Variants in KAZN observed in about 807,000 individuals in gnomAD.
KAZN encodes the protein kazrin.
In KAZN, 40 loss-of-function variants were observed where a neutral mutation model predicts 87.4. The observed-to-expected ratio is 0.46, with a 90% CI of 0.36 to 0.60. The LOEUF (loss-of-function observed/expected upper bound fraction) is 0.60, where lower values mean the gene tolerates loss of function less well. Ranked by LOEUF, KAZN falls within the 20% of genes least tolerant of loss-of-function variation. The pLI, the probability that KAZN is intolerant of heterozygous loss-of-function variation, is 0.00. For missense variants in KAZN, 898 were observed against 1,073.9 expected, an observed-to-expected ratio of 0.84 and a Z score of 2.29; for synonymous variants, 466 against 458.3, an observed-to-expected ratio of 1.02 and a Z score of -0.22.
chr1:14,776,545 C>T (rs1294789510), intron 1 of KAZN, among the ~76,000 whole-genome samples: 3 of 152,122 alleles, frequency 2.0e-5, no homozygotes, highest in African/African-American at 4.8e-5. Flanking sequence ...AGGTGCTGTC[C>T]GAGATGTCTA....
chr1:13,925,146 T>A (rs1203323214), intron 1 of KAZN, among the ~76,000 whole-genome samples: 1 of 152,220 alleles, frequency 6.6e-6, no homozygotes, highest in African/African-American at 2.4e-5. Flanking sequence ...TTATCTATTC[T>A]GGACATTTCA....
At chr1:14,145,836 G>A (rs778166292) in intron 1 of KAZN, among the ~76,000 whole-genome samples, 85 of 152,246 alleles carry the variant, frequency 5.6e-4, no homozygotes, top group Middle Eastern at 3.4e-3. Flanking sequence ...TTGCCTTGGC[G>A]TCCCAAAGTG....
At chr1:14,795,852 A>C (rs1005540948) in intron 1 of KAZN, among the ~76,000 whole-genome samples, 3 of 152,044 alleles carry the variant, frequency 2.0e-5, no homozygotes, top group African/African-American at 7.2e-5. Flanking sequence ...TCATTTCCCC[A>C]TCACTCAGGA....
chr1:14,687,394 C>G (rs1435038998), intron 1 of KAZN, among the ~76,000 whole-genome samples: 1 of 152,090 alleles, frequency 6.6e-6, no homozygotes, highest in Non-Finnish European at 1.5e-5. Context: ...TGGAGGAGCC[C>G]AGAGAGGGGA....
chr1:14,882,310 T>C (rs149007390), intron 1 of KAZN, among the ~76,000 whole-genome samples: 268 of 152,352 alleles, frequency 1.8e-3, no homozygotes, highest in Middle Eastern at 3.4e-3. Context: ...TTTTGCTAGA[T>C]ATGCTTTAGC....
intron 2 of KAZN, among the ~76,000 whole-genome samples, chr1:14,287,734 G>C (rs935990434): frequency 1.3e-5 from 2 of 152,224 alleles, no homozygotes; most frequent in Non-Finnish European, 2.9e-5. Context: ...TGAGTGGTGA[G>C]AGAGGGCATC....
intron 1 of KAZN, among the ~76,000 whole-genome samples, chr1:14,840,078 A>G (rs571511359): frequency 1.2e-4 from 18 of 150,686 alleles, no homozygotes; most frequent in Middle Eastern, 6.8e-3. Context: ...CTGGCACTGC[A>G]GAAAACTGAC....
chr1:14,767,765 C>T (rs1219863688), intron 1 of KAZN, among the ~76,000 whole-genome samples: 1 of 152,162 alleles, frequency 6.6e-6, no homozygotes, highest in Non-Finnish European at 1.5e-5. Flanking sequence ...TCAGTGGAGA[C>T]TGGATGACAG....
In KAZN at chr1:14,042,589, G is replaced by A. The variant is rs572547565; in HGVS notation, c.92-137846G>A. ...TTATCACTTCATATATTGTGGGTTA[G>A]TGATACAGATGGCATCTAGTTTCAC... is the stretch of plus-strand genomic sequence containing the variant. On this transcript the variant is annotated intron_variant, in intron 1 of 16. Transcript: ENST00000636203. Among the ~76,000 whole-genome samples the A allele has an allele frequency of 2.6e-4, 39 of 152,298 alleles. No homozygotes were observed. The South Asian group carries it at 6.8e-3, about 27-fold the overall frequency.
At chr1:14,972,038 A>C (rs536033715) in intron 2 of KAZN, among the ~76,000 whole-genome samples, 1 of 152,162 alleles carries the variant, frequency 6.6e-6, no homozygotes, top group African/African-American at 2.4e-5. Flanking sequence ...CTCAGCTTTT[A>C]ATTAATCCAC....
chr1:14,432,933 A>G (rs927910227), intron 2 of KAZN, among the ~76,000 whole-genome samples: 1 of 151,986 alleles, frequency 6.6e-6, no homozygotes, highest in Admixed American at 6.6e-5. Context: ...ATAGTATTCC[A>G]TGGTGTATAT....
chr1:14,996,626 C>G lies in KAZN; in HGVS notation c.418+35751C>G, dbSNP rs111724475. ...CCGCCAGCACCCTCCCACGGGCGTG[C>G]AGATCTGACAAGATCAGGATCTGGG... On this transcript the variant is annotated intron_variant, in intron 2 of 14. Coordinates refer to ENST00000376030, the MANE Select transcript of KAZN (RefSeq NM_201628.3). This position sits in a 1 kb window ranked among gnomAD's most constrained non-coding sequence, Gnocchi z 5.9. 0.02 allele frequency among the ~76,000 whole-genome samples: 3,000 copies of G among 152,300 alleles called. 91 individuals are homozygous for G. Among genetic ancestry groups the G allele is most frequent in the African/African-American group, 0.069 (2,847 of 41,554 alleles).
At chr1:14,415,292 A>T (rs1405529299) in intron 2 of KAZN, among the ~76,000 whole-genome samples, 1 of 152,174 alleles carries the variant, frequency 6.6e-6, no homozygotes, top group Non-Finnish European at 1.5e-5. Context: ...TCCGGACAAT[A>T]TGTAGATTAG....
intron 2 of KAZN, among the ~76,000 whole-genome samples, chr1:14,188,110 C>T (rs553496671): frequency 6.6e-6 from 1 of 151,718 alleles, no homozygotes; most frequent in East Asian, 2.0e-4. Context: ...GTACCAGGAC[C>T]CCATTTAGAT....
chr1:14,729,103 A>C (rs1377562020), intron 1 of KAZN, among the ~76,000 whole-genome samples: 1 of 152,100 alleles, frequency 6.6e-6, no homozygotes, highest in Non-Finnish European at 1.5e-5. Flanking sequence ...CCTGCCTCGA[A>C]TGTGCTCCGC....
chr1:13,945,710 T>TGTGTGTGTGTGTGAGA (rs757118365), intron 1 of KAZN, among the ~76,000 whole-genome samples: 196 of 137,246 alleles, frequency 1.4e-3, no homozygotes, highest in East Asian at 2.8e-3. Flanking sequence ...TGTGTGTGTG[T>TGTGTGTGTGTGTGAGA]GAGAGAGAGA....
At chr1:14,336,700 A>G (rs1222103100) in intron 2 of KAZN, among the ~76,000 whole-genome samples, 2 of 152,306 alleles carry the variant, frequency 1.3e-5, no homozygotes, top group South Asian at 2.1e-4. Flanking sequence ...CATATCTCTC[A>G]TGACTAATGA....
intron 2 of KAZN, among the ~76,000 whole-genome samples, chr1:14,287,522 A>G (rs1225343681): frequency 1.3e-5 from 2 of 152,192 alleles, no homozygotes; most frequent in Non-Finnish European, 2.9e-5. Flanking sequence ...ATTTTTGCAC[A>G]TTGATTTTGT....
chr1:15,036,024 C>A lies in KAZN; in HGVS notation c.555+1139C>A, dbSNP rs1368170603. Among the ~76,000 whole-genome samples the A allele has an allele frequency of 4.6e-5, 7 of 152,172 alleles. No individual in the cohort carries two copies. The South Asian group carries it at 8.3e-4, about 18-fold the overall frequency. On this transcript the variant is annotated intron_variant, in intron 3 of 14. Coordinates refer to ENST00000376030, the MANE Select transcript of KAZN (RefSeq NM_201628.3). ...ATTTGAATCTAGATGCTTGGTCCCC[C>A]CTACCCACTTTGGTCTTCACCGCTG...
Sources: allele counts gnomAD v4.1 joint callset (sites outside exome capture counted in the v4.1 genomes callset), GRCh38; gene constraint gnomAD v4.1.1; non-coding constraint Gnocchi (gnomAD v3.1); transcripts MANE v1.5; gene names NCBI Gene and HGNC (gene_info 2026-07-23, HGNC 2026-07-21).